CDCP2: variants seen among roughly 807,000 people sequenced by gnomAD.
CDCP2 encodes the protein CUB domain containing protein 2.
In CDCP2, 31 loss-of-function variants were observed where a neutral mutation model predicts 31.0. The ratio of observed to expected loss-of-function variants is 1.00; its 90% CI spans 0.75 to 1.35. The LOEUF (loss-of-function observed/expected upper bound fraction) is 1.35. Among genes scored for constraint, CDCP2 ranks in the 40% most tolerant of loss-of-function variants. CDCP2 has a pLI of 0.00. For missense variants in CDCP2, 443 were observed against 482.6 expected (o/e 0.92, Z 0.77); for synonymous variants, 206 against 207.9 (o/e 0.99, Z 0.08).
chr1:54,144,247 G>A, intron 2 of CDCP2: 2 of 530,154 alleles, frequency 3.8e-6, no homozygotes, highest in Non-Finnish European at 6.7e-6. Flanking sequence ...GCTGGGTCCT[G>A]CAGGTTACAG....
chr1:54,137,663 A>ATGTGTG (rs113860529), intron 4 of CDCP2: 19,529 of 144,714 alleles, frequency 0.13, 1,770 homozygotes, highest in East Asian at 0.53. Context: ...TTGGGTGAGC[A>ATGTGTG]TGTGTGTGTG....
intron 4 of CDCP2, chr1:54,138,796 A>G (rs909204883): frequency 1.3e-5 from 2 of 152,294 alleles, no homozygotes; most frequent in African/African-American, 4.8e-5. Flanking sequence ...CTGACTCCCT[A>G]TGTGGTCACA....
chr1:54,145,642 A>C (rs1659455427), intron 1 of CDCP2, among the ~76,000 whole-genome samples: 1 of 152,190 alleles, frequency 6.6e-6, no homozygotes, highest in Non-Finnish European at 1.5e-5. Flanking sequence ...GAAAATGTGC[A>C]CAGTCTACTA....
At chr1:54,152,797 C>T in intron 1 of CDCP2, 47 bp downstream of exon 1, 1 of 1,556,440 alleles carries the variant, frequency 6.4e-7, no homozygotes, top group Non-Finnish European at 8.8e-7. Context: ...CTGTTGCCTG[C>T]CCACCTCCTT....
At position 54,141,459 on chromosome 1, in the gene CDCP2, C is replaced by G. The variant is rs3766463; in HGVS notation, c.428-26G>C. On this transcript the variant is annotated intron_variant, in intron 2 of 5. Coordinates refer to ENST00000530059, the Ensembl canonical transcript of CDCP2. ...CTGCAAGGGAGCCCACTTGAGCTGA[C>G]CTTTCTTTCTCCTTGTGGCTCCCAG... 20 of 1,558,752 alleles carry G rather than the reference C, an allele frequency of 1.3e-5. No individual in the cohort carries two copies. In the Admixed American group the frequency reaches 3.2e-4, roughly 25 times the overall value.
chr1:54,147,996 A>G (rs1659504930), intron 1 of CDCP2, among the ~76,000 whole-genome samples: 1 of 151,570 alleles, frequency 6.6e-6, no homozygotes, highest in African/African-American at 2.4e-5. Context: ...TGGGCAACAG[A>G]GAAAGACCCT....
At chr1:54,135,952 G>A (rs1659252859) in intron 5 of CDCP2, among the ~76,000 whole-genome samples, 1 of 152,164 alleles carries the variant, frequency 6.6e-6, no homozygotes, top group African/African-American at 2.4e-5. Flanking sequence ...CCCACTTCCT[G>A]ACCTGTCCCT....
chr1:54,148,632 A>T (rs977652560), intron 1 of CDCP2, among the ~76,000 whole-genome samples: 1 of 151,812 alleles, frequency 6.6e-6, no homozygotes, highest in African/African-American at 2.4e-5. Flanking sequence ...TAATTCCATG[A>T]GGACATATTT....
At chr1:54,140,418 T>G (rs893090271) in intron 3 of CDCP2, 5 of 423,378 alleles carry the variant, frequency 1.2e-5, no homozygotes, top group Middle Eastern at 7.1e-4. Flanking sequence ...GAGTTACCTC[T>G]GAACTCCCTG....
intron 1 of CDCP2, among the ~76,000 whole-genome samples, chr1:54,152,525 C>G (rs917489185): frequency 1.3e-5 from 2 of 152,104 alleles, no homozygotes; most frequent in African/African-American, 4.8e-5. Flanking sequence ...TCCTTTCAAC[C>G]TTGGTGACCA....
chr1:54,139,977 A>G, exon 4 of CDCP2: 2 of 1,614,108 alleles, frequency 1.2e-6, no homozygotes. Flanking sequence ...GTCCAGGAAG[A>G]ACACCTTGAC....
exon 1 of CDCP2, chr1:54,152,899 G>A: frequency 6.2e-7 from 1 of 1,614,206 alleles, no homozygotes; most frequent in East Asian, 2.2e-5. Context: ...CCAGCAGCAG[G>A]CAAGCCCCCC....
At chr1:54,138,357 C>T (rs1408727701) in intron 4 of CDCP2, 1 of 152,278 alleles carries the variant, frequency 6.6e-6, no homozygotes, top group Non-Finnish European at 1.5e-5. Context: ...AACAGAGCCA[C>T]AGCTCTCCCA....
chr1:54,143,368 T>A (rs1341248074), intron 2 of CDCP2: 1 of 151,900 alleles, frequency 6.6e-6, no homozygotes, highest in East Asian at 1.9e-4. Flanking sequence ...AAAAAGAACT[T>A]ACAGAATAAA....
intron 4 of CDCP2, chr1:54,139,502 G>A: frequency 1.3e-6 from 2 of 1,597,652 alleles, no homozygotes; most frequent in Non-Finnish European, 1.7e-6. Flanking sequence ...AGATGGGGAG[G>A]GGTGAGGACT....
intron 5 of CDCP2, among the ~76,000 whole-genome samples, chr1:54,133,922 C>CAAAACAAAAAAAAA (rs58882302): frequency 2.0e-5 from 3 of 148,682 alleles, no homozygotes; most frequent in African/African-American, 5.0e-5. Context: ...ACAAAAAAAA[C>CAAAACAAAAAAAAA]CCCATGTTAC....
exon 6 of CDCP2, chr1:54,133,134 G>A (rs1039427187): frequency 5.0e-6 from 2 of 399,020 alleles, no homozygotes; most frequent in Non-Finnish European, 4.4e-6. Flanking sequence ...CTCCGCAGTG[G>A]CAGCATAGGG....
At chr1:54,136,919 C>T (rs1659268117) in intron 4 of CDCP2, 111 bp from the exon 5 acceptor site, 2 of 398,104 alleles carry the variant, frequency 5.0e-6, no homozygotes, top group South Asian at 1.4e-4. Context: ...AACTGAGGCC[C>T]AGAGTAGGAA....
At chr1:54,139,302 T>G in intron 4 of CDCP2, 2 of 540,480 alleles carry the variant, frequency 3.7e-6, no homozygotes, top group South Asian at 2.2e-5. Flanking sequence ...GGCTTCCTGT[T>G]GAGTGAGGAA....
Sources: gnomAD v4.1 joint callset for allele counts (sites outside exome capture counted in the v4.1 genomes callset) on GRCh38, gnomAD v4.1.1 for gene constraint, MANE v1.5 for transcripts, NCBI Gene and HGNC (gene_info 2026-07-23, HGNC 2026-07-21) for gene names.